Variants in SYCE1 observed in about 807,000 individuals in gnomAD.
The protein encoded by SYCE1 is synaptonemal complex central element protein 1.
A neutral mutation model predicts 55.1 loss-of-function variants in SYCE1; 37 were observed. The ratio of observed to expected loss-of-function variants is 0.67; its 90% CI spans 0.52 to 0.88. The LOEUF (loss-of-function observed/expected upper bound fraction) is 0.88. Among genes scored for constraint, SYCE1 ranks in the 40% least tolerant of loss-of-function variants. The probability of loss-of-function intolerance (pLI) is 0.00; values close to 1 mark genes in which losing one functional copy is unlikely to be tolerated. For missense variants in SYCE1, 399 were observed against 416.4 expected, an observed-to-expected ratio of 0.96 and a Z score of 0.36; for synonymous variants, 163 against 159.4, an observed-to-expected ratio of 1.02 and a Z score of -0.17.
Position 133,559,290 on chromosome 10 carries a change from C to A in SYCE1, c.196+11G>T. On this transcript the variant is annotated intron_variant, in intron 3 of 12. Transcript: ENST00000343131. ...CTGGTCCTAGCTGGCAGCCAAGGCC[C>A]CTGAACTCACCTTGCTGGACCTCAT... 1 of 1,614,090 alleles carries A rather than the reference C, an allele frequency of 6.2e-7. No individual in the cohort carries two copies. Among genetic ancestry groups the A allele is most frequent in the Non-Finnish European group, 8.5e-7 (1 of 1,179,974 alleles).
rs1442283821 is a variant in SYCE1 at position 133,558,191 on chromosome 10, T to G, written c.295A>C (p.Lys99Gln). The change falls in exon 5 of 13, where the codon AAG becomes CAG. Residue 99 changes from lysine (K) to glutamine (Q), a missense_variant. Lys to Gln is a moderately conservative substitution (Grantham distance 53). Coordinates refer to ENST00000343131, the MANE Select transcript of SYCE1 (RefSeq NM_001143764.3). ...CCTTGTTTTTTGCTCAAGATCTCCTTCAGGTGTACTTTCTCTCCATGCACT... is the reference window on the plus strand; with the variant it reads ...CCTTGTTTTTTGCTCAAGATCTCCTGCAGGTGTACTTTCTCTCCATGCACT... The part of the protein sequence containing the change: ...DSLHGEKVHL[K>Q]EILSKKQETL... 5 of 1,614,036 alleles carry G rather than the reference T, an allele frequency of 3.1e-6. No homozygotes were observed. The highest frequency in any genetic ancestry group is 4.2e-6 in the Non-Finnish European group (5 of 1,180,040).
intron 1 of SYCE1, chr10:133,560,817 C>G (rs1851800037): frequency 6.6e-6 from 1 of 152,128 alleles, no homozygotes; most frequent in South Asian, 2.1e-4. Context: ...CCTCTGCTCA[C>G]TGAGATAAAT....
Position 133,556,806 on chromosome 10 carries a change from G to A in SYCE1, c.481C>T (p.Gln161Ter), listed in dbSNP as rs1273213567. Residue 161 changes from glutamine (Q) to a stop codon, truncating the protein, a stop_gained, in exon 8 of 13, where the codon CAG becomes TAG. Transcript: ENST00000343131. LOFTEE classifies it high-confidence loss of function. ...QRQLRLAFEE[Q>*]LEDLMGQHKD... ...TGCTGGCCCATCAGATCTTCCAGCT[G>A]TTCCTCGAATGCCAACCTGGGAACC... The A allele has an allele frequency of 6.3e-7, 1 of 1,581,826 alleles. No individual in the cohort carries two copies. The highest frequency in any genetic ancestry group is 8.6e-7 in the Non-Finnish European group (1 of 1,163,810).
At chr10:133,559,240 G>A (rs370765330) in intron 3 of SYCE1, 61 bp downstream of exon 3, 1 of 1,556,210 alleles carries the variant, frequency 6.4e-7, no homozygotes, top group Non-Finnish European at 8.9e-7. Context: ...TTCTCACTTG[G>A]CACTGAGCCC....
upstream of SYCE1, chr10:133,567,710 C>T (rs1306115956): frequency 2.3e-4 from 54 of 237,382 alleles, no homozygotes; most frequent in African/African-American, 1.0e-3. Context: ...CCTGGGCAGG[C>T]ATGGGGAGCT....
At chr10:133,560,744 TG>T (rs1368184751) in intron 1 of SYCE1, 7 of 152,296 alleles carry the variant, frequency 4.6e-5, no homozygotes, top group East Asian at 1.9e-4. Flanking sequence ...GCATTAACAT[TG>T]TGAAAGGAAA....
At chr10:133,565,876 C>G (rs1851923220), upstream of SYCE1, among the ~76,000 whole-genome samples, 1 of 152,236 alleles carries the variant, frequency 6.6e-6, no homozygotes, top group Non-Finnish European at 1.5e-5. Flanking sequence ...ATGTGTAGCG[C>G]CGAAGCTTCC....
Position 133,565,494 on chromosome 10 carries a change from G to A in SYCE1, c.36C>T (p.Pro12=). ...CAGCCCTGTCCACGGCTCCTGCGGTGGGCTCGGCCTTCGATGTCAGGGACC... is the reference window on the plus strand; with the variant it reads ...CAGCCCTGTCCACGGCTCCTGCGGTAGGCTCGGCCTTCGATGTCAGGGACC... ...AGRSLTSKAE[P]TAGAVDRAEK... The change falls in exon 1 of 13, where the codon CCC becomes CCT. Residue 12 remains proline, a synonymous_variant. Coordinates refer to ENST00000343131, the MANE Select transcript of SYCE1 (RefSeq NM_001143764.3). 1 of 1,550,178 alleles carries A rather than the reference G, an allele frequency of 6.5e-7. No individual in the cohort carries two copies. The highest frequency in any genetic ancestry group is 8.7e-7 in the Non-Finnish European group (1 of 1,146,818).
chr10:133,555,917 G>A lies in SYCE1; in HGVS notation c.596-14C>T, dbSNP rs758578591. The A allele has an allele frequency of 1.2e-6, 2 of 1,613,784 alleles. No individual in the cohort carries two copies. Among genetic ancestry groups the A allele is most frequent in the Non-Finnish European group, 1.7e-6 (2 of 1,179,802 alleles). ...TGACCAGCTTCTCTGCAGCACAAAG[G>A]GGCAGGTGAGCACATGAAGGCACGT... On this transcript the variant is annotated splice_polypyrimidine_tract_variant and intron_variant, in intron 9 of 12. Coordinates refer to ENST00000343131, the MANE Select transcript of SYCE1 (RefSeq NM_001143764.3).
At chr10:133,554,417 G>T, downstream of SYCE1, 2 of 1,181,026 alleles carry the variant, frequency 1.7e-6, no homozygotes, top group East Asian at 2.3e-5. Context: ...GGTCTTGATT[G>T]GGTCAACGCA....
upstream of SYCE1, chr10:133,565,646 C>A: frequency 4.1e-6 from 4 of 974,434 alleles, no homozygotes; most frequent in Non-Finnish European, 5.9e-6. Flanking sequence ...CTCCTGCGCG[C>A]GCCTGGAGAT....
At chr10:133,563,388 C>T (rs368311984) in intron 1 of SYCE1, among the ~76,000 whole-genome samples, 1 of 152,218 alleles carries the variant, frequency 6.6e-6, no homozygotes, top group East Asian at 1.9e-4. Context: ...AAAAATCATG[C>T]ATACATGCAT....
chr10:133,557,949 AC>A (rs1407521787), intron 5 of SYCE1, 31 bp from the exon 6 acceptor site: 1 of 1,613,222 alleles, frequency 6.2e-7, no homozygotes, highest in Non-Finnish European at 8.5e-7. Context: ...CCCTATGAGA[AC>A]CTGTCAAGGT....
upstream of SYCE1, among the ~76,000 whole-genome samples, chr10:133,565,754 G>A (rs1210327799): frequency 2.6e-5 from 4 of 152,258 alleles, no homozygotes; most frequent in Admixed American, 2.0e-4. Flanking sequence ...GGCCACGTGC[G>A]GCCGTCCAGG....
Position 133,556,050 on chromosome 10 carries a change from G to A in SYCE1, c.529-3C>T, listed in dbSNP as rs1564855521. The A allele has an allele frequency of 3.7e-6, 6 of 1,613,336 alleles. No individual in the cohort carries two copies. The highest frequency in any genetic ancestry group is 5.1e-6 in the Non-Finnish European group (6 of 1,179,996). ...TCCTTTGCCAGCCGCTCTGGCATCTGAGGGGCAGAAAAGAGGCCTGTCCAC... is the reference window on the plus strand; with the variant it reads ...TCCTTTGCCAGCCGCTCTGGCATCTAAGGGGCAGAAAAGAGGCCTGTCCAC... On this transcript the variant is annotated splice_polypyrimidine_tract_variant and splice_region_variant and intron_variant, in intron 8 of 12. Transcript: ENST00000343131.
chr10:133,558,486 G>C (rs1851743144), intron 4 of SYCE1: 1 of 563,490 alleles, frequency 1.8e-6, no homozygotes, highest in African/African-American at 1.9e-5. Flanking sequence ...CCACGAAGTG[G>C]GATAAGGGCT....
chr10:133,566,184 C>T (rs2987796), upstream of SYCE1, among the ~76,000 whole-genome samples: 106,751 of 151,798 alleles, frequency 0.7, 42,663 homozygotes, highest in Non-Finnish European at 0.88. Flanking sequence ...CCCGGAGGGC[C>T]CTGGGAGGAG....
At chr10:133,554,458 C>G (rs947550781), downstream of SYCE1, 14 of 839,698 alleles carry the variant, frequency 1.7e-5, no homozygotes, top group Admixed American at 2.5e-4. Flanking sequence ...GTATCAGATG[C>G]ACATGACTTA....
intron 8 of SYCE1, chr10:133,556,273 C>A: frequency 1.7e-6 from 1 of 596,210 alleles, no homozygotes; most frequent in Non-Finnish European, 3.0e-6. Context: ...TGGGGATGCT[C>A]ATGGATTGTT....
Sources: allele counts gnomAD v4.1 joint callset (sites outside exome capture counted in the v4.1 genomes callset), GRCh38; gene constraint gnomAD v4.1.1; transcripts MANE v1.5; gene names NCBI Gene and HGNC (gene_info 2026-07-23, HGNC 2026-07-21).